Variants in AGO3 observed in about 807,000 individuals in gnomAD.
AGO3 encodes argonaute RISC catalytic component 3, also known as protein argonaute-3.
Under a neutral mutation model 105.5 loss-of-function variants are expected in AGO3, and 16 were observed. The ratio of observed to expected loss-of-function variants is 0.15; its 90% CI spans 0.10 to 0.23. AGO3 has a LOEUF of 0.23. Among genes scored for constraint, AGO3 ranks in the 10% least tolerant of loss-of-function variants. The pLI is 1.00. For missense variants in AGO3, 534 were observed against 1,088.0 expected (o/e 0.49, Z 7.16); for synonymous variants, 340 against 367.3 (o/e 0.93, Z 0.85).
Position 35,932,095 on chromosome 1 carries a change from A to G in AGO3, c.19+650A>G, listed in dbSNP as rs181353777. 1.6e-3 allele frequency among the ~76,000 whole-genome samples: 242 copies of G among 152,256 alleles called. 3 individuals are homozygous for G. Among genetic ancestry groups the G allele is most frequent in the African/African-American group, 5.3e-3 (219 of 41,546 alleles). On this transcript the variant is annotated intron_variant, in intron 1 of 18. Transcript: ENST00000373191. ...TATTCCTTAGAGAAGTAGTTGTCAT[A>G]TTCCTGGAAATTTGGAATTTAAGAA...
At position 35,988,275 on chromosome 1, in the gene AGO3, C is replaced by A. The variant is rs572006027; in HGVS notation, c.658+14764C>A. The stretch of plus-strand genomic sequence containing the variant: ...ACCACAATCAAGGTAATGAATATAA[C>A]AATCACCTCATAGGTATGTGAGAGA... On this transcript the variant is annotated intron_variant, in intron 5 of 18. Transcript: ENST00000373191. Among the ~76,000 whole-genome samples the A allele has an allele frequency of 2.0e-5, 3 of 152,206 alleles. No homozygotes were observed. In the South Asian group the frequency reaches 6.2e-4, roughly 32 times the overall value.
chr1:35,949,618 T>G (rs1206768879), intron 2 of AGO3, among the ~76,000 whole-genome samples: 1 of 152,144 alleles, frequency 6.6e-6, no homozygotes, highest in East Asian at 1.9e-4. Flanking sequence ...CAAAACAAAT[T>G]GTTTTATTTC....
intron 17 of AGO3, among the ~76,000 whole-genome samples, chr1:36,053,975 C>T (rs1199822714): frequency 1.3e-5 from 2 of 151,908 alleles, no homozygotes; most frequent in East Asian, 3.9e-4. Flanking sequence ...TCTTGATCTC[C>T]ACCACATCTG....
chr1:36,023,745 A>G (rs1200936391), intron 11 of AGO3, among the ~76,000 whole-genome samples: 1 of 152,244 alleles, frequency 6.6e-6, no homozygotes, highest in East Asian at 1.9e-4. Flanking sequence ...AGACAGCTTT[A>G]GGTGAAACTT....
Position 36,066,967 on chromosome 1 carries a change from A to C in AGO3, c.*11222A>C, listed in dbSNP as rs936483107. ...TCTCTGTAATCTAAATTTATATGAT[A>C]ATGTTGTCCCAGACCCAAAGGCACA... On this transcript the variant is annotated 3_prime_UTR_variant, in exon 19 of 19. Transcript: ENST00000373191. 2.0e-5 allele frequency: 3 copies of C among 152,224 alleles called. No homozygotes were observed. Among genetic ancestry groups the C allele is most frequent in the African/African-American group, 7.2e-5 (3 of 41,454 alleles). 9.4% of individuals were successfully genotyped at this position (152,224 alleles called of 1,614,324 possible).
chr1:36,060,115 T>G lies in AGO3; in HGVS notation c.*4370T>G, dbSNP rs1392964679. The stretch of plus-strand genomic sequence containing the variant: ...AGGGATTCTAGTAGGAATTACTGAG[T>G]GTTTTGGAAGGCACTTGATAGAGGC... On this transcript the variant is annotated 3_prime_UTR_variant, in exon 19 of 19. Coordinates refer to ENST00000373191, the MANE Select transcript of AGO3 (RefSeq NM_024852.4). 6.6e-6 allele frequency: 1 copy of G among 152,174 alleles called. No homozygotes were observed. The highest frequency in any genetic ancestry group is 1.5e-5 in the Non-Finnish European group (1 of 68,040). 9.4% of individuals were successfully genotyped at this position (152,174 alleles called of 1,614,324 possible). A position where few individuals can be genotyped will look rare whatever the true frequency, so the allele number is the denominator to read the frequency against.
At chr1:35,972,456 A>C (rs1557658758) in intron 4 of AGO3, among the ~76,000 whole-genome samples, 4 of 152,208 alleles carry the variant, frequency 2.6e-5, no homozygotes, top group African/African-American at 9.6e-5. Flanking sequence ...CTCATGAATA[A>C]TTTTATAGAA....
intron 2 of AGO3, among the ~76,000 whole-genome samples, chr1:35,955,380 A>G (rs1257729395): frequency 6.6e-6 from 1 of 152,224 alleles, no homozygotes; most frequent in Non-Finnish European, 1.5e-5. Flanking sequence ...CAAAAACTAT[A>G]ATTTGTTGGC....
chr1:35,966,736 C>T lies in AGO3; in HGVS notation c.192-219C>T, dbSNP rs78369100. 5.9e-5 allele frequency among the ~76,000 whole-genome samples: 9 copies of T among 152,220 alleles called. No individual in the cohort carries two copies. The East Asian group carries it at 1.2e-3, about 20-fold the overall frequency. On this transcript the variant is annotated intron_variant, in intron 2 of 18. Transcript: ENST00000373191. ...TCCTGGAATGATTAAGTAATATGCT[C>T]GCTTCATTCTTCTCTGTCTAGTGAA...
At chr1:35,967,124 C>T (rs762601452) in intron 3 of AGO3, 49 bp downstream of exon 3, 2 of 1,569,278 alleles carry the variant, frequency 1.3e-6, no homozygotes, top group Non-Finnish European at 1.7e-6. Flanking sequence ...GAAGTGTCTC[C>T]TTTTACACGC....
chr1:36,040,889 A>G (rs1387912647), intron 16 of AGO3, among the ~76,000 whole-genome samples: 1 of 151,988 alleles, frequency 6.6e-6, no homozygotes, highest in East Asian at 1.9e-4. Context: ...CCTGGCCAAC[A>G]CGGTGAAACC....
At chr1:36,054,798 T>G in intron 17 of AGO3, 148 bp from the exon 18 acceptor site, 3 of 691,292 alleles carry the variant, frequency 4.3e-6, no homozygotes, top group Non-Finnish European at 7.3e-6. Flanking sequence ...ACTAGAATCT[T>G]TTGAGCCCCA....
intron 5 of AGO3, chr1:35,992,149 G>A (rs1241954780): frequency 6.6e-6 from 1 of 152,222 alleles, no homozygotes; most frequent in Admixed American, 6.6e-5. Context: ...TGGAAGCCTA[G>A]TTGGGAGTTC....
At chr1:35,980,830 T>A (rs1174575483) in intron 5 of AGO3, among the ~76,000 whole-genome samples, 1 of 152,204 alleles carries the variant, frequency 6.6e-6, no homozygotes, top group Non-Finnish European at 1.5e-5. Flanking sequence ...AATTACTAGA[T>A]GTTTTCTTAG....
chr1:35,976,798 T>C (rs1031016041), intron 5 of AGO3, among the ~76,000 whole-genome samples: 1 of 152,204 alleles, frequency 6.6e-6, no homozygotes, highest in Non-Finnish European at 1.5e-5. Flanking sequence ...CTTTTATAAA[T>C]TAACATGCAG....
At chr1:36,022,921 C>CA (rs1166825374) in intron 11 of AGO3, among the ~76,000 whole-genome samples, 59 of 7,020 alleles carry the variant, frequency 8.4e-3, no homozygotes, top group South Asian at 0.078. Context: ...GACTCCGTCT[C>CA]AAAAAAAAAA....
rs984920657 is a variant in AGO3 at position 36,071,725 on chromosome 1, C to T, written c.*15980C>T. On this transcript the variant is annotated 3_prime_UTR_variant, in exon 19 of 19. Coordinates refer to ENST00000373191, the MANE Select transcript of AGO3 (RefSeq NM_024852.4). ...TCTATAAATCTTTTTTTAAAATCTT[C>T]GGCTACACAGTAACATCAATTAAAA... 3 of 152,144 alleles carry T rather than the reference C, an allele frequency of 2.0e-5. No homozygotes were observed. Among genetic ancestry groups the T allele is most frequent in the Non-Finnish European group, 2.9e-5 (2 of 68,014 alleles). The allele number at this position is 152,144 out of a possible 1,614,324, so 9.4% of individuals were successfully genotyped here. A position where few individuals can be genotyped will look rare whatever the true frequency, so the allele number is the denominator to read the frequency against.
rs143876576 is a variant in AGO3, at chr1:35,969,917, T to G, written c.313-2107T>G. Among the ~76,000 whole-genome samples the G allele has an allele frequency of 4.4e-3, 677 of 152,346 alleles. 9 individuals carry two copies. Among genetic ancestry groups the G allele is most frequent in the African/African-American group, 0.015 (638 of 41,580 alleles). On this transcript the variant is annotated intron_variant, in intron 3 of 18. Coordinates refer to ENST00000373191, the MANE Select transcript of AGO3 (RefSeq NM_024852.4). Reference sequence around the variant, plus strand: ...ACAGTAAAAATACATTGTAAAAGATTGTTTAAATGGTACGCCTGTATAAGG... The same window carrying G: ...ACAGTAAAAATACATTGTAAAAGATGGTTTAAATGGTACGCCTGTATAAGG...
chr1:36,026,626 GTGAGATCAAATTAGAAAA>G (rs1475308183), intron 11 of AGO3, among the ~76,000 whole-genome samples: 1 of 152,142 alleles, frequency 6.6e-6, no homozygotes, highest in Non-Finnish European at 1.5e-5. Flanking sequence ...TATGAATCTT[GTGAGATCAAATTAGAAAA>G]TAAACAATAG....
Sources: gnomAD v4.1 joint callset for allele counts (sites outside exome capture counted in the v4.1 genomes callset) on GRCh38, gnomAD v4.1.1 for gene constraint, MANE v1.5 for transcripts, NCBI Gene and HGNC (gene_info 2026-07-23, HGNC 2026-07-21) for gene names.